The following SH3GL3 variants were observed in gnomAD, a reference collection of about 807,000 sequenced individuals.
SH3GL3 encodes the protein SH3 domain containing GRB2 like 3, endophilin A3.
SH3GL3 carries 33 observed loss-of-function variants against 47.7 expected under a neutral mutation model. That is an observed-to-expected ratio of 0.69 (90% CI 0.52 to 0.92). The LOEUF is 0.92. Among genes scored for constraint, SH3GL3 ranks in the 40% least tolerant of loss-of-function variants. SH3GL3 has a pLI of 0.00. For missense variants in SH3GL3, 363 were observed against 417.8 expected, an observed-to-expected ratio of 0.87 and a Z score of 1.14; for synonymous variants, 155 against 148.8, an observed-to-expected ratio of 1.04 and a Z score of -0.30.
In SH3GL3 at chr15:83,588,919, C is replaced by T. The variant is rs182632663; in HGVS notation, c.838+148C>T. 3.4e-4 allele frequency: 206 copies of T among 600,580 alleles called. 1 individual carries two copies. Among genetic ancestry groups the T allele is most frequent in the African/African-American group, 3.2e-3 (173 of 53,882 alleles). The allele number at this position is 600,580 out of a possible 1,614,324, so 37.2% of individuals were successfully genotyped here. ...TTGGTAAATTCCCTTTTCCCCTAAA[C>T]GTGCCCCTTTTTTCTGTTCCCTGGG... On this transcript the variant is annotated intron_variant, in intron 8 of 8. Transcript: ENST00000427482.
intron 8 of SH3GL3, among the ~76,000 whole-genome samples, chr15:83,597,754 T>A (rs2060270948): frequency 6.6e-6 from 1 of 151,890 alleles, no homozygotes; most frequent in Non-Finnish European, 1.5e-5. Context: ...GGATTACAGG[T>A]GCCTGCCACC....
intron 1 of SH3GL3, among the ~76,000 whole-genome samples, chr15:83,559,046 A>G (rs1404370579): frequency 1.3e-5 from 2 of 152,250 alleles, no homozygotes; most frequent in Non-Finnish European, 2.9e-5. Flanking sequence ...TAGGTGCATA[A>G]TAAATATCTG....
chr15:83,484,309 A>AATCGT (rs980160384), intron 1 of SH3GL3, among the ~76,000 whole-genome samples: 6 of 152,186 alleles, frequency 3.9e-5, no homozygotes, highest in Non-Finnish European at 8.8e-5. Context: ...TTATTGAGGA[A>AATCGT]ATCGTACTAT....
intron 5 of SH3GL3, among the ~76,000 whole-genome samples, chr15:83,574,164 A>T (rs2059609056): frequency 6.6e-6 from 1 of 152,000 alleles, no homozygotes. Flanking sequence ...CAATGAAGGG[A>T]GGAAAGGCTG....
chr15:83,533,046 G>T (rs1031433397), intron 1 of SH3GL3, among the ~76,000 whole-genome samples: 22 of 152,162 alleles, frequency 1.4e-4, no homozygotes, highest in Non-Finnish European at 2.8e-4. Flanking sequence ...GCAAAATTTG[G>T]GTTCTGTTAG....
chr15:83,565,275 T>G (rs1348374164), intron 3 of SH3GL3, 69 bp downstream of exon 3: 1 of 883,338 alleles, frequency 1.1e-6, no homozygotes, highest in South Asian at 1.4e-5. Flanking sequence ...ACTTGGTGTT[T>G]AGTTGACATA....
intron 5 of SH3GL3, among the ~76,000 whole-genome samples, chr15:83,574,144 G>T (rs145021550): frequency 6.6e-6 from 1 of 152,278 alleles, no homozygotes; most frequent in East Asian, 1.9e-4. Flanking sequence ...GGTGTGTAGG[G>T]GTGGGGGTGC....
intron 1 of SH3GL3, among the ~76,000 whole-genome samples, chr15:83,465,486 G>A (rs2040529654): frequency 6.6e-6 from 1 of 151,948 alleles, no homozygotes. Flanking sequence ...TCCTGAGGAT[G>A]TTTAGCCGCT....
downstream of SH3GL3, among the ~76,000 whole-genome samples, chr15:83,621,059 A>G (rs535118856): frequency 2.6e-5 from 4 of 152,256 alleles, no homozygotes; most frequent in South Asian, 8.3e-4. Flanking sequence ...CACCTCTCTC[A>G]ACTCTGGATT....
chr15:83,615,686 A>G (rs897927005), intron 8 of SH3GL3, among the ~76,000 whole-genome samples: 1 of 152,212 alleles, frequency 6.6e-6, no homozygotes, highest in African/African-American at 2.4e-5. Flanking sequence ...GTGGGACAAA[A>G]TAGAAAAAAT....
intron 8 of SH3GL3, among the ~76,000 whole-genome samples, chr15:83,617,630 C>T (rs973026759): frequency 6.6e-6 from 1 of 152,114 alleles, no homozygotes; most frequent in South Asian, 2.1e-4. Context: ...AAGCCAGGAT[C>T]GCACCATTGC....
intron 1 of SH3GL3, among the ~76,000 whole-genome samples, chr15:83,508,718 C>T (rs1281427562): frequency 2.0e-5 from 3 of 152,166 alleles, no homozygotes; most frequent in African/African-American, 7.2e-5. Context: ...GCTGGGATTA[C>T]AGGCAGGTGC....
chr15:83,530,378 G>A (rs2043615366), intron 1 of SH3GL3, among the ~76,000 whole-genome samples: 2 of 152,148 alleles, frequency 1.3e-5, no homozygotes. Flanking sequence ...CCCTGCACCG[G>A]GAACCTCTCC....
At chr15:83,525,415 A>C (rs746792360) in intron 1 of SH3GL3, among the ~76,000 whole-genome samples, 4 of 150,444 alleles carry the variant, frequency 2.7e-5, no homozygotes, top group Non-Finnish European at 4.4e-5. Flanking sequence ...TAAATTCTGG[A>C]TATTAGTTTC....
intron 1 of SH3GL3, chr15:83,490,794 CAT>C: frequency 6.2e-7 from 1 of 1,613,672 alleles, no homozygotes; most frequent in Non-Finnish European, 8.5e-7. Context: ...TGAGCAGTGT[CAT>C]AAACATTGAG....
At chr15:83,620,564 C>T (rs1404459936), downstream of SH3GL3, among the ~76,000 whole-genome samples, 1 of 152,180 alleles carries the variant, frequency 6.6e-6, no homozygotes, top group Non-Finnish European at 1.5e-5. Flanking sequence ...TGAAAGGAAT[C>T]TTTTTCTCTG....
At position 83,535,886 on chromosome 15, in the gene SH3GL3, T is replaced by C. The variant is rs2043878991; in HGVS notation, c.46-23367T>C. 2.6e-5 allele frequency among the ~76,000 whole-genome samples: 4 copies of C among 151,950 alleles called. No individual in the cohort carries two copies. In the South Asian group the frequency reaches 6.2e-4, roughly 24 times the overall value. ...CTCATCTGTCAACTGTAATTGAAAA[T>C]GGGCAAAAAAATACAAATATATAAA... On this transcript the variant is annotated intron_variant, in intron 1 of 8. Transcript: ENST00000427482.
At chr15:83,543,409 T>C (rs2044255238) in intron 1 of SH3GL3, among the ~76,000 whole-genome samples, 1 of 152,100 alleles carries the variant, frequency 6.6e-6, no homozygotes, top group South Asian at 2.1e-4. Flanking sequence ...TTTGCATTGA[T>C]GTTCATGAGA....
chr15:83,597,259 T>C (rs770331725), intron 8 of SH3GL3, among the ~76,000 whole-genome samples: 1 of 152,168 alleles, frequency 6.6e-6, no homozygotes, highest in Non-Finnish European at 1.5e-5. Context: ...TCTCCCTGCC[T>C]CCATTGTCAG....
Sources: gnomAD v4.1 joint callset for allele counts (sites outside exome capture counted in the v4.1 genomes callset) on GRCh38, gnomAD v4.1.1 for gene constraint, MANE v1.5 for transcripts, NCBI Gene and HGNC (gene_info 2026-07-23, HGNC 2026-07-21) for gene names.